Variants in DIP2C observed in about 807,000 individuals in gnomAD.
DIP2C encodes the protein DIP2 acetate--CoA ligase C (putative), also known as disco-interacting protein 2 homolog C.
Under a neutral mutation model 192.4 loss-of-function variants are expected in DIP2C, and 33 were observed. That is an observed-to-expected ratio of 0.17 (90% confidence interval 0.13 to 0.23). DIP2C has a LOEUF of 0.23. DIP2C is among the 10% of genes least tolerant of loss of function. The pLI is 1.00. For synonymous variants in DIP2C, 979 were observed against 864.1 expected, an observed-to-expected ratio of 1.13 and a Z score of -2.33; for missense variants, 1,537 against 2,110.1, an observed-to-expected ratio of 0.73 and a Z score of 5.32.
At chr10:614,077 C>T (rs1853279172) in intron 1 of DIP2C, among the ~76,000 whole-genome samples, 1 of 152,198 alleles carries the variant, frequency 6.6e-6, no homozygotes, top group African/African-American at 2.4e-5. Context: ...CAGAACCTTC[C>T]ACCTCAAAAC....
At chr10:552,670 G>A (rs1246557981) in intron 1 of DIP2C, among the ~76,000 whole-genome samples, 1 of 152,212 alleles carries the variant, frequency 6.6e-6, no homozygotes, top group Non-Finnish European at 1.5e-5. Flanking sequence ...CTAACACGGT[G>A]AAACCCCGTC....
chr10:320,657 G>A lies in DIP2C; in HGVS notation c.3924+6349C>T, dbSNP rs529780134. On this transcript the variant is annotated intron_variant, in intron 31 of 36. Coordinates refer to ENST00000280886, the MANE Select transcript of DIP2C (RefSeq NM_014974.3). Reference sequence around the variant, plus strand: ...CTCTTAGCTGAGTGTGGTGGCTCACGCCTGTAATCCCAGTGCTTTGGGAGG... The same window carrying A: ...CTCTTAGCTGAGTGTGGTGGCTCACACCTGTAATCCCAGTGCTTTGGGAGG... Among the ~76,000 whole-genome samples the A allele has an allele frequency of 7.2e-5, 11 of 152,046 alleles. No homozygotes were observed. In the South Asian group the frequency reaches 8.3e-4, roughly 12 times the overall value.
At chr10:364,339 G>A in intron 20 of DIP2C, 35 bp downstream of exon 20, 1 of 1,586,984 alleles carries the variant, frequency 6.3e-7, no homozygotes, top group Non-Finnish European at 8.6e-7. Flanking sequence ...TGGCCGACCG[G>A]AAACCATATG....
At chr10:614,284 A>T (rs1207021927) in intron 1 of DIP2C, among the ~76,000 whole-genome samples, 1 of 152,210 alleles carries the variant, frequency 6.6e-6, no homozygotes, top group Non-Finnish European at 1.5e-5. Flanking sequence ...GGTGTGGATG[A>T]TGGGTGCATT....
At chr10:435,185 C>A (rs1197390085) in intron 4 of DIP2C, among the ~76,000 whole-genome samples, 1 of 152,076 alleles carries the variant, frequency 6.6e-6, no homozygotes, top group Non-Finnish European at 1.5e-5. Context: ...TTAGTGTTCT[C>A]TTTGCTTTTC....
intron 1 of DIP2C, among the ~76,000 whole-genome samples, chr10:566,389 A>G (rs1170500536): frequency 6.6e-6 from 1 of 152,216 alleles, no homozygotes; most frequent in Non-Finnish European, 1.5e-5. Flanking sequence ...CACCTGGTGC[A>G]TGAGCCGCTG....
intron 1 of DIP2C, among the ~76,000 whole-genome samples, chr10:653,952 G>A (rs1473682531): frequency 6.6e-6 from 1 of 152,166 alleles, no homozygotes; most frequent in African/African-American, 2.4e-5. Context: ...TGCACTAAAA[G>A]CATCTCTTCC....
chr10:611,991 T>C (rs537654868), intron 1 of DIP2C, among the ~76,000 whole-genome samples: 82 of 152,202 alleles, frequency 5.4e-4, no homozygotes, highest in African/African-American at 2.0e-3. Flanking sequence ...GGATCTATTA[T>C]AGTTAAAATC....
At chr10:321,242 G>A (rs1218271026) in intron 31 of DIP2C, among the ~76,000 whole-genome samples, 1 of 152,246 alleles carries the variant, frequency 6.6e-6, no homozygotes, top group Admixed American at 6.5e-5. Context: ...AAAACTGCAT[G>A]CGGCTTCGCC....
At position 327,158 on chromosome 10, in the gene DIP2C, A is replaced by C; in HGVS notation, c.3772T>G (p.Ser1258Ala). The C allele has an allele frequency of 6.2e-7, 1 of 1,613,996 alleles. No individual in the cohort carries two copies. The highest frequency in any genetic ancestry group is 2.2e-5 in the East Asian group (1 of 44,874). ...ESLKARGLDLSRVRTCVVVAE... is the reference protein window; with the variant it reads ...ESLKARGLDLARVRTCVVVAE... ...ACAACCACGCAGGTCCTCACTCGGG[A>C]CAAGTCCAGCCCTCGCGCCTGGAGA... Residue 1258 changes from serine (S) to alanine (A), a missense_variant, in exon 31 of 37, where the codon TCC becomes GCC. Around this residue, in one of 4 missense-constraint regions of DIP2C, gnomAD observed 341 missense variants for 551.7 expected, o/e 0.62. Transcript: ENST00000280886.
intron 29 of DIP2C, among the ~76,000 whole-genome samples, chr10:335,682 T>A (rs1264150706): frequency 6.6e-6 from 1 of 152,238 alleles, no homozygotes; most frequent in African/African-American, 2.4e-5. Context: ...GATGCGGCTC[T>A]CTTCATCCCA....
chr10:549,715 CT>C (rs1380041283), intron 1 of DIP2C, among the ~76,000 whole-genome samples: 1 of 152,194 alleles, frequency 6.6e-6, no homozygotes, highest in Non-Finnish European at 1.5e-5. Flanking sequence ...GCCCTCGTCA[CT>C]TTTCACTCCC....
At chr10:304,959 A>G (rs567235676) in intron 32 of DIP2C, among the ~76,000 whole-genome samples, 27 of 152,364 alleles carry the variant, frequency 1.8e-4, no homozygotes, top group African/African-American at 6.5e-4. Context: ...CGACACGTGC[A>G]AAGCCATAAA....
chr10:424,716 C>G (rs1219911995), intron 4 of DIP2C, among the ~76,000 whole-genome samples: 1 of 152,170 alleles, frequency 6.6e-6, no homozygotes, highest in South Asian at 2.1e-4. Flanking sequence ...AAAATTGACA[C>G]AGCCTTGAGA....
At chr10:494,167 T>G (rs559735692) in intron 1 of DIP2C, among the ~76,000 whole-genome samples, 20 of 152,322 alleles carry the variant, frequency 1.3e-4, no homozygotes, top group Non-Finnish European at 2.4e-4. Flanking sequence ...AAAGTGCTTT[T>G]GGAGAAACAA....
At chr10:377,421 G>A (rs1961751874) in intron 17 of DIP2C, among the ~76,000 whole-genome samples, 2 of 152,226 alleles carry the variant, frequency 1.3e-5, no homozygotes, top group African/African-American at 4.8e-5. Context: ...GTGGTTGGGT[G>A]AAATTAAACA....
At chr10:533,770 T>G (rs1184176077) in intron 1 of DIP2C, among the ~76,000 whole-genome samples, 1 of 152,066 alleles carries the variant, frequency 6.6e-6, no homozygotes. Context: ...ATCTGCTTAG[T>G]GACGGGCACC....
At position 414,739 on chromosome 10, in the gene DIP2C, G is replaced by GTATATATATATATATA. The variant is rs1554847955; in HGVS notation, c.860-630_860-629insTATATATATATATATA. On this transcript the variant is annotated intron_variant, in intron 7 of 36. Coordinates refer to ENST00000280886, the MANE Select transcript of DIP2C (RefSeq NM_014974.3). Reference sequence around the variant, plus strand: ...TGTGTGTGTGTGTGTGTGTGTGTGTGTACATATATATATATATAATGTGTA... The same window carrying GTATATATATATATATA: ...TGTGTGTGTGTGTGTGTGTGTGTGTGTATATATATATATATATACATATATATATATATAATGTGTA... Among the ~76,000 whole-genome samples, 149 of 90,522 alleles carry GTATATATATATATATA rather than the reference G, an allele frequency of 1.6e-3. 8 individuals are homozygous for GTATATATATATATATA. The highest frequency in any genetic ancestry group is 4.2e-3 in the East Asian group (12 of 2,860). The allele number at this position is 90,522 out of a possible 152,430, so 59.4% of individuals were successfully genotyped here. A position where few individuals can be genotyped will look rare whatever the true frequency, so the allele number is the denominator to read the frequency against.
At chr10:644,633 A>G (rs1374267275) in intron 1 of DIP2C, among the ~76,000 whole-genome samples, 1 of 152,132 alleles carries the variant, frequency 6.6e-6, no homozygotes, top group African/African-American at 2.4e-5. Context: ...AAGTACACAC[A>G]GAGGCAGACA....
Sources: allele counts gnomAD v4.1 joint callset (sites outside exome capture counted in the v4.1 genomes callset), GRCh38; gene constraint gnomAD v4.1.1; regional missense constraint gnomAD v4.1.1; transcripts MANE v1.5; gene names NCBI Gene and HGNC (gene_info 2026-07-23, HGNC 2026-07-21).